Variants in MCM8 observed in about 807,000 individuals in gnomAD.
MCM8 encodes the protein minichromosome maintenance 8 homologous recombination repair factor, also known as DNA helicase MCM8.
In MCM8, 85 loss-of-function variants were observed where a neutral mutation model predicts 98.9. The observed-to-expected ratio is 0.86, with a 90% CI of 0.72 to 1.03. The LOEUF is 1.03. MCM8 is among the 50% of genes least tolerant of loss of function. MCM8 has a pLI of 0.00. For missense variants in MCM8, 951 were observed against 997.8 expected (o/e 0.95, Z 0.63); for synonymous variants, 352 against 338.6 (o/e 1.04, Z -0.44).
At chr20:5,989,184 T>C (rs1047233749) in intron 17 of MCM8, among the ~76,000 whole-genome samples, 10 of 146,096 alleles carry the variant, frequency 6.8e-5, no homozygotes, top group African/African-American at 1.1e-4. Flanking sequence ...TGGTGTGATA[T>C]TGGCTCACTG....
rs185070048 is a variant in MCM8 at position 5,957,450 on chromosome 20, T to G, written c.590+221T>G. The stretch of plus-strand genomic sequence containing the variant: ...GGAAGAAAATGTTGATTTCCTAACC[T>G]GCAGATTTTTGTAAACATTGGTTTT... On this transcript the variant is annotated intron_variant, in intron 6 of 18. Transcript: ENST00000610722. Among the ~76,000 whole-genome samples the G allele has an allele frequency of 4.2e-3, 641 of 152,346 alleles. 3 individuals carry two copies. The highest frequency in any genetic ancestry group is 0.014 in the African/African-American group (581 of 41,582).
At chr20:5,952,211 T>C in intron 2 of MCM8, 48 bp downstream of exon 2, 1 of 1,605,584 alleles carries the variant, frequency 6.2e-7, no homozygotes. Context: ...AAGGAAGCAA[T>C]TCACGTCTAT....
intron 1 of MCM8, 55 bp from the exon 2 acceptor site, chr20:5,951,956 G>A (rs1600232919): frequency 3.3e-6 from 5 of 1,533,574 alleles, no homozygotes; most frequent in Non-Finnish European, 4.4e-6. Flanking sequence ...ACATTTTTAA[G>A]AGCACTATTT....
At chr20:5,982,082 G>A (rs1040889278) in intron 13 of MCM8, among the ~76,000 whole-genome samples, 28 of 152,262 alleles carry the variant, frequency 1.8e-4, no homozygotes, top group Admixed American at 4.6e-4. Flanking sequence ...ATGGATTCAA[G>A]GATAGAAGAA....
rs1247027555 is a variant in MCM8, at chr20:5,997,688, T to G, written c.*3297T>G. ...GGAGTGCAGTGACATGATCAAGCCG[T>G]GATCTCCTGGGCTCAAGCAATCCTC... On this transcript the variant is annotated 3_prime_UTR_variant, in exon 19 of 19. Transcript: ENST00000610722. 2 of 152,224 alleles carry G rather than the reference T, an allele frequency of 1.3e-5. No individual in the cohort carries two copies. The highest frequency in any genetic ancestry group is 4.8e-5 in the African/African-American group (2 of 41,418). 9.4% of individuals were successfully genotyped at this position (152,224 alleles called of 1,614,324 possible). A position where few individuals can be genotyped will look rare whatever the true frequency, so the allele number is the denominator to read the frequency against.
chr20:5,966,669 A>T (rs1039977223), intron 8 of MCM8, among the ~76,000 whole-genome samples: 1 of 152,142 alleles, frequency 6.6e-6, no homozygotes. Flanking sequence ...GTTTTTTCTC[A>T]CAAGACTTTA....
intron 14 of MCM8, 63 bp downstream of exon 14, chr20:5,983,228 G>T (rs928957829): frequency 1.6e-5 from 22 of 1,365,390 alleles, no homozygotes; most frequent in Non-Finnish European, 2.1e-5. Context: ...ATAAGAAAAA[G>T]AAATAGTTCA....
chr20:5,991,274 A>AT (rs1276431507), intron 17 of MCM8: 2 of 152,180 alleles, frequency 1.3e-5, no homozygotes, highest in African/African-American at 4.8e-5. Context: ...TATATTGCCC[A>AT]TTTATGGTTG....
chr20:5,959,824 G>T (rs1048553548), intron 7 of MCM8, among the ~76,000 whole-genome samples: 1 of 150,258 alleles, frequency 6.7e-6, no homozygotes, highest in Admixed American at 6.7e-5. Context: ...TCAGCCTCTC[G>T]AGTAGCTGGG....
At chr20:5,985,456 A>G (rs1169374374) in intron 15 of MCM8, among the ~76,000 whole-genome samples, 5 of 151,882 alleles carry the variant, frequency 3.3e-5, no homozygotes, top group Non-Finnish European at 2.9e-5. Context: ...AAAAAAAAAA[A>G]AAGGAATCTA....
At chr20:5,957,080 G>T in intron 5 of MCM8, 46 bp from the exon 6 acceptor site, 1 of 1,241,836 alleles carries the variant, frequency 8.1e-7, no homozygotes, top group African/African-American at 1.5e-5. Flanking sequence ...TGTATAAAGA[G>T]GATGTTTTGT....
In MCM8 at chr20:5,998,904, A is replaced by T. The variant is rs1156749227; in HGVS notation, c.*4513A>T. On this transcript the variant is annotated 3_prime_UTR_variant, in exon 19 of 19. Coordinates refer to ENST00000610722, the MANE Select transcript of MCM8 (RefSeq NM_032485.6). Reference sequence around the variant, plus strand: ...AGGCAGAGTGCACCTATTGAATTCCATCATCAGTTTTTCTATACCATGGAG... The same window carrying T: ...AGGCAGAGTGCACCTATTGAATTCCTTCATCAGTTTTTCTATACCATGGAG... 3 of 152,176 alleles carry T rather than the reference A, an allele frequency of 2.0e-5. No homozygotes were observed. The highest frequency in any genetic ancestry group is 4.4e-5 in the Non-Finnish European group (3 of 68,038). 9.4% of individuals were successfully genotyped at this position (152,176 alleles called of 1,614,324 possible).
Position 5,952,452 on chromosome 20 carries a change from A to G in MCM8, c.177A>G (p.Thr59=). Residue 59 remains threonine (T), a synonymous_variant, in exon 3 of 19, where the codon ACA becomes ACG. Coordinates refer to ENST00000610722, the MANE Select transcript of MCM8 (RefSeq NM_032485.6). The part of the protein sequence containing the change: ...SEQTPQFLLS[T]KTPQSMQSTL... The stretch of plus-strand genomic sequence containing the variant: ...AAACCCCACAGTTTTTGCTTTCAAC[A>G]AAGACCCCACAGTCAATGCAGTCAA... 4 of 1,614,000 alleles carry G rather than the reference A, an allele frequency of 2.5e-6. No homozygotes were observed. Among genetic ancestry groups the G allele is most frequent in the Non-Finnish European group, 3.4e-6 (4 of 1,179,988 alleles).
intron 9 of MCM8, 70 bp downstream of exon 9, chr20:5,967,657 C>T (rs1166984628): frequency 2.0e-6 from 3 of 1,475,636 alleles, no homozygotes; most frequent in Non-Finnish European, 2.8e-6. Flanking sequence ...TTCTAAGATG[C>T]TCCTGAACCT....
intron 17 of MCM8, chr20:5,991,131 C>T (rs994855692): frequency 7.2e-5 from 11 of 152,378 alleles, no homozygotes; most frequent in African/African-American, 2.6e-4. Context: ...AGACCATAGA[C>T]GTCACCTCAA....
At chr20:5,975,996 G>A (rs1260747825) in intron 12 of MCM8, among the ~76,000 whole-genome samples, 1 of 151,856 alleles carries the variant, frequency 6.6e-6, no homozygotes, top group African/African-American at 2.4e-5. Context: ...TGGCATGTAA[G>A]CCACACTAAG....
chr20:5,970,607 G>A (rs1344848870), intron 10 of MCM8, among the ~76,000 whole-genome samples: 2 of 152,204 alleles, frequency 1.3e-5, no homozygotes, highest in African/African-American at 4.8e-5. Flanking sequence ...TTGGCAGACA[G>A]GTGCAGATGC....
In MCM8 at chr20:5,997,966, G is replaced by T. The variant is rs987879118; in HGVS notation, c.*3575G>T. 2.0e-5 allele frequency: 3 copies of T among 152,216 alleles called. No individual in the cohort carries two copies. Among genetic ancestry groups the T allele is most frequent in the African/African-American group, 7.2e-5 (3 of 41,450 alleles). 9.4% of individuals were successfully genotyped at this position (152,216 alleles called of 1,614,324 possible). ...ATTTTTAGGATAGAGATATCAAGGT[G>T]AGGGTATAACTGAACGAGAAGAGGA... On this transcript the variant is annotated 3_prime_UTR_variant, in exon 19 of 19. Transcript: ENST00000610722.
chr20:5,978,642 C>T (rs1302797780), intron 13 of MCM8, among the ~76,000 whole-genome samples: 16 of 152,194 alleles, frequency 1.1e-4, no homozygotes, highest in Admixed American at 7.9e-4. Flanking sequence ...CAGCTTTCTG[C>T]AACCTCTGCC....
Sources: gnomAD v4.1 joint callset for allele counts (sites outside exome capture counted in the v4.1 genomes callset) on GRCh38, gnomAD v4.1.1 for gene constraint, MANE v1.5 for transcripts, NCBI Gene and HGNC (gene_info 2026-07-23, HGNC 2026-07-21) for gene names.